SORBS2: variants seen among roughly 807,000 people sequenced by gnomAD.
SORBS2 encodes the protein sorbin and SH3 domain containing 2.
In SORBS2, 46 loss-of-function variants were observed where a neutral mutation model predicts 97.7. The ratio of observed to expected loss-of-function variants is 0.47; its 90% CI spans 0.37 to 0.60. The LOEUF (loss-of-function observed/expected upper bound fraction) is 0.60, where lower values mean the gene tolerates loss of function less well. SORBS2 is among the 20% of genes least tolerant of loss of function. The probability of loss-of-function intolerance (pLI) is 0.00; values close to 1 mark genes in which losing one functional copy is unlikely to be tolerated. For missense variants in SORBS2, 1,316 were observed against 1,282.3 expected (o/e 1.03, Z -0.40); for synonymous variants, 476 against 473.4 (o/e 1.01, Z -0.07).
intron 2 of SORBS2, among the ~76,000 whole-genome samples, chr4:185,685,775 G>C (rs376804171): frequency 6.6e-6 from 1 of 152,070 alleles, no homozygotes; most frequent in Non-Finnish European, 1.5e-5. Context: ...TTTCCGCCTC[G>C]GCCTCCCATT....
Position 185,906,832 on chromosome 4 carries a change from T to A in SORBS2, c.-338+49364A>T, listed in dbSNP as rs1225122529. 3.3e-5 allele frequency among the ~76,000 whole-genome samples: 5 copies of A among 152,248 alleles called. No individual in the cohort carries two copies. The East Asian group carries it at 9.7e-4, about 29-fold the overall frequency. On this transcript the variant is annotated intron_variant, in intron 1 of 20. Coordinates refer to the SORBS2 transcript ENST00000284776. ...GGGAGAAGTGATATTTAGGGAGGAA[T>A]TATTGGGAAGAGGCCGGGCGCAGTG...
chr4:185,751,431 T>A (rs556876182), intron 2 of SORBS2, among the ~76,000 whole-genome samples: 2 of 152,212 alleles, frequency 1.3e-5, no homozygotes, highest in African/African-American at 4.8e-5. Flanking sequence ...TTGGTGATCA[T>A]CTTGGACATT....
chr4:185,890,600 A>G (rs1328966281), intron 1 of SORBS2, among the ~76,000 whole-genome samples: 2 of 152,162 alleles, frequency 1.3e-5, no homozygotes, highest in Non-Finnish European at 2.9e-5. Flanking sequence ...CGGCTTCATG[A>G]CGTGATCACG....
chr4:185,747,886 G>A (rs1012736290), intron 2 of SORBS2, among the ~76,000 whole-genome samples: 3 of 152,110 alleles, frequency 2.0e-5, no homozygotes, highest in Admixed American at 1.3e-4. Context: ...AGCTACTTGG[G>A]AGGCTGAGGC....
rs2096449866 is a variant in SORBS2, at chr4:185,607,361, GC to G, written c.2796+4418del. On this transcript the variant is annotated intron_variant, in intron 12 of 14. Coordinates refer to ENST00000418609, the Ensembl canonical transcript of SORBS2. The surrounding 1 kb of genome is among the most constrained non-coding windows in gnomAD (Gnocchi z 5.2). ...TCACTGGAAGCCAACTTGGAAATGAGCACGGATTATGAAGTTAAGAAAAAAT... is the reference window on the plus strand; with the variant it reads ...TCACTGGAAGCCAACTTGGAAATGAGACGGATTATGAAGTTAAGAAAAAAT... 5.5e-6 allele frequency: 7 copies of G among 1,266,214 alleles called. No homozygotes were observed. The South Asian group carries it at 8.7e-5, about 16-fold the overall frequency. The allele number at this position is 1,266,214 out of a possible 1,614,324, so 78.4% of individuals were successfully genotyped here. A position where few individuals can be genotyped will look rare whatever the true frequency, so the allele number is the denominator to read the frequency against.
chr4:185,586,822 C>T (rs3172664), exon 15 of SORBS2: 75,254 of 152,468 alleles, frequency 0.49, 19,022 homozygotes, highest in East Asian at 0.65. Flanking sequence ...CTGATCATTA[C>T]ATTTTAATAT....
intron 1 of SORBS2, among the ~76,000 whole-genome samples, chr4:185,891,787 T>A (rs1482751426): frequency 6.6e-6 from 1 of 152,216 alleles, no homozygotes; most frequent in Non-Finnish European, 1.5e-5. Context: ...CTCAGTGAAT[T>A]GGTTTTGTCT....
chr4:185,738,207 ATGAC>A (rs1479412483), intron 2 of SORBS2, among the ~76,000 whole-genome samples: 1 of 152,210 alleles, frequency 6.6e-6, no homozygotes. Context: ...TTTCGTGTAA[ATGAC>A]TGTGCCATTA....
At chr4:185,868,159 C>CTTTTTTTTTTTTTTTTTTT (rs112680775) in intron 1 of SORBS2, among the ~76,000 whole-genome samples, 28 of 105,216 alleles carry the variant, frequency 2.7e-4, no homozygotes, top group African/African-American at 6.6e-4. Flanking sequence ...TTTTTTCTTT[C>CTTTTTTTTTTTTTTTTTTT]TTTTTTTTTT....
chr4:185,615,001 C>T, intron 10 of SORBS2, 42 bp from the exon 23 acceptor site: 1 of 1,613,848 alleles, frequency 6.2e-7, no homozygotes, highest in Non-Finnish European at 8.5e-7. Flanking sequence ...CTGCGGTGAC[C>T]TTTGAAACCA....
chr4:185,597,836 C>G (rs9991064), intron 12 of SORBS2, among the ~76,000 whole-genome samples: 16,990 of 152,120 alleles, frequency 0.11, 1,501 homozygotes, highest in African/African-American at 0.24. Context: ...TTATCTGCCC[C>G]TTTTTATCCA....
chr4:185,678,564 A>T lies in SORBS2; in HGVS notation c.-170-17T>A, dbSNP rs905773507. 72 of 1,508,252 alleles carry T rather than the reference A, an allele frequency of 4.8e-5. No individual in the cohort carries two copies. Among genetic ancestry groups the T allele is most frequent in the Non-Finnish European group, 6.2e-5 (70 of 1,130,396 alleles). The allele number at this position is 1,508,252 out of a possible 1,614,324, so 93.4% of individuals were successfully genotyped here. ...ATCTCCAAGCTTTCATTAAGGGAAA[A>T]CAATTGGATACAAAAATATCTACGT... is the stretch of plus-strand genomic sequence containing the variant. On this transcript the variant is annotated splice_polypyrimidine_tract_variant and intron_variant, in intron 3 of 20. Coordinates refer to the SORBS2 transcript ENST00000284776.
chr4:185,867,529 A>G (rs2099227638), intron 1 of SORBS2, among the ~76,000 whole-genome samples: 1 of 152,180 alleles, frequency 6.6e-6, no homozygotes, highest in Admixed American at 6.5e-5. Flanking sequence ...TCTATAATAC[A>G]GTAGGTGGAC....
chr4:185,632,588 C>G (rs185885266), intron 4 of SORBS2, among the ~76,000 whole-genome samples: 49 of 152,276 alleles, frequency 3.2e-4, no homozygotes, highest in Non-Finnish European at 5.1e-4. Context: ...CACTGAAGAG[C>G]CTGAGAGCAT....
intron 2 of SORBS2, among the ~76,000 whole-genome samples, chr4:185,751,474 A>G (rs1464987740): frequency 2.6e-5 from 4 of 152,182 alleles, no homozygotes; most frequent in African/African-American, 9.7e-5. Context: ...AGCAAGAAAC[A>G]GGTATCCTTA....
intron 12 of SORBS2, among the ~76,000 whole-genome samples, chr4:185,601,040 TA>T (rs2096250809): frequency 6.6e-6 from 1 of 152,218 alleles, no homozygotes; most frequent in African/African-American, 2.4e-5. Flanking sequence ...TGATCTGGCT[TA>T]AGAGAACTTC....
chr4:185,696,800 C>A (rs918213299), intron 2 of SORBS2, among the ~76,000 whole-genome samples: 2 of 152,146 alleles, frequency 1.3e-5, no homozygotes, highest in African/African-American at 2.4e-5. Context: ...CATTACGGAA[C>A]AACATCTAAG....
intron 2 of SORBS2, among the ~76,000 whole-genome samples, chr4:185,691,949 A>G (rs1049104668): frequency 5.9e-5 from 9 of 152,178 alleles, no homozygotes; most frequent in East Asian, 1.9e-4. Context: ...GGGTTTCACC[A>G]TGTTAGCCAG....
chr4:185,665,969 G>C (rs1261852576), intron 4 of SORBS2: 4 of 1,263,662 alleles, frequency 3.2e-6, no homozygotes, highest in Non-Finnish European at 4.1e-6. Flanking sequence ...GCTGGGAGCA[G>C]GTGTTTGTAT....
Sources: allele counts gnomAD v4.1 joint callset (sites outside exome capture counted in the v4.1 genomes callset), GRCh38; gene constraint gnomAD v4.1.1; non-coding constraint Gnocchi (gnomAD v3.1); transcripts MANE v1.5; gene names NCBI Gene and HGNC (gene_info 2026-07-23, HGNC 2026-07-21).